LMBRD2: variants seen among roughly 807,000 people sequenced by gnomAD.
The protein encoded by LMBRD2 is G protein-coupled receptor-associated protein LMBRD2.
LMBRD2 carries 55 observed loss-of-function variants against 94.4 expected under a neutral mutation model. That is an observed-to-expected ratio of 0.58 (90% CI 0.47 to 0.73). LMBRD2 has a LOEUF of 0.73. Among genes scored for constraint, LMBRD2 ranks in the 30% least tolerant of loss-of-function variants. LMBRD2 has a pLI of 0.00. For synonymous variants in LMBRD2, 246 were observed against 272.4 expected (o/e 0.90, Z 0.95); for missense variants, 640 against 831.9 (o/e 0.77, Z 2.84).
At position 36,108,587 on chromosome 5, in the gene LMBRD2, T is replaced by C; in HGVS notation, c.1844A>G (p.Asn615Ser). 8.8e-6 allele frequency: 14 copies of C among 1,596,870 alleles called. No homozygotes were observed. Among genetic ancestry groups the C allele is most frequent in the Non-Finnish European group, 1.0e-5 (12 of 1,168,306 alleles). ...TGACTCTTTGGGGTCAGTATGAATA[T>C]TTCTGTTCCTAGTGGAATCTTCTCT... ...HNREDSTRNR[N>S]IHTDPKESNF... The change falls in exon 16 of 18, where the codon AAT (asparagine) becomes AGT (serine). Residue 615 changes from asparagine (N) to serine (S), a missense_variant. This residue lies in a region of LMBRD2 where 183 missense variants were observed against 189.1 expected (regional missense o/e 0.97). Coordinates refer to ENST00000296603, the MANE Select transcript of LMBRD2 (RefSeq NM_001007527.2).
chr5:36,106,294 T>A (rs1743465182), intron 16 of LMBRD2, among the ~76,000 whole-genome samples: 1 of 152,102 alleles, frequency 6.6e-6, no homozygotes, highest in South Asian at 2.1e-4. Flanking sequence ...TAAATCCTTT[T>A]CTCTTCATCT....
chr5:36,119,801 A>T (rs547747531), intron 9 of LMBRD2, among the ~76,000 whole-genome samples: 1 of 152,212 alleles, frequency 6.6e-6, no homozygotes, highest in Non-Finnish European at 1.5e-5. Flanking sequence ...TCCACATTTC[A>T]TTGAGAAAAC....
At chr5:36,129,984 T>C (rs1456498952) in intron 6 of LMBRD2, among the ~76,000 whole-genome samples, 1 of 151,758 alleles carries the variant, frequency 6.6e-6, no homozygotes, top group East Asian at 1.9e-4. Context: ...GGGAACTGAA[T>C]AATGAGAACA....
At chr5:36,122,689 C>T (rs1743915083) in intron 8 of LMBRD2, among the ~76,000 whole-genome samples, 159 bp downstream of exon 8, 1 of 152,094 alleles carries the variant, frequency 6.6e-6, no homozygotes, top group Admixed American at 6.6e-5. Flanking sequence ...AATACCCCTG[C>T]TGGTATACAC....
At chr5:36,146,590 TGGA>T (rs1302706583) in intron 1 of LMBRD2, among the ~76,000 whole-genome samples, 5 of 152,298 alleles carry the variant, frequency 3.3e-5, no homozygotes, top group Non-Finnish European at 1.5e-5. Flanking sequence ...TTGCCCAGGC[TGGA>T]CTCAAATACC....
In LMBRD2 at chr5:36,136,429, A is replaced by T. The variant is rs1270037863; in HGVS notation, c.627T>A (p.Ile209=). 8.1e-6 allele frequency: 13 copies of T among 1,614,040 alleles called. No homozygotes were observed. Among genetic ancestry groups the T allele is most frequent in the Non-Finnish European group, 1.0e-5 (12 of 1,179,930 alleles). ...VLLLGYGLVE[I]PRSYWNGAKR... The stretch of plus-strand genomic sequence containing the variant: ...TTGCTCCATTCCAGTATGATCGAGG[A>T]ATTTCCACCAAGCCATACCCCAACA... The change falls in exon 6 of 18, where the codon ATT becomes ATA. Residue 209 remains isoleucine, a synonymous_variant. Transcript: ENST00000296603.
Position 36,117,930 on chromosome 5 carries a change from GA to G in LMBRD2, c.1121-15del. 6.4e-7 allele frequency: 1 copy of G among 1,567,574 alleles called. No individual in the cohort carries two copies. Among genetic ancestry groups the G allele is most frequent in the South Asian group, 1.2e-5 (1 of 83,546 alleles). ...CCCAGTACCATTCTAGAAGACAAAA[GA>G]AAAAAATGATTAGGAAAACTACAAA... is the stretch of plus-strand genomic sequence containing the variant. On this transcript the variant is annotated splice_polypyrimidine_tract_variant and intron_variant, in intron 9 of 17. Coordinates refer to ENST00000296603, the MANE Select transcript of LMBRD2 (RefSeq NM_001007527.2).
intron 6 of LMBRD2, among the ~76,000 whole-genome samples, chr5:36,128,540 G>T (rs899950987): frequency 2.0e-5 from 3 of 152,084 alleles, no homozygotes; most frequent in Non-Finnish European, 4.4e-5. Flanking sequence ...GGGCAACATG[G>T]TGAAACCCTG....
intron 6 of LMBRD2, among the ~76,000 whole-genome samples, chr5:36,127,099 T>A: frequency 6.6e-6 from 1 of 152,254 alleles, no homozygotes. Context: ...TAAGGGACTC[T>A]GTCCAATTTT....
chr5:36,141,360 A>G lies in LMBRD2; in HGVS notation c.273-158T>C, dbSNP rs571160908. ...AAATTTCAAAGAAATTTTAAAATTC[A>G]AAGCTGACTGCCAAACTAAAAAAAC... On this transcript the variant is annotated intron_variant, in intron 3 of 17. Coordinates refer to ENST00000296603, the MANE Select transcript of LMBRD2 (RefSeq NM_001007527.2). 3.3e-5 allele frequency among the ~76,000 whole-genome samples: 5 copies of G among 152,334 alleles called. No individual in the cohort carries two copies. In the East Asian group the frequency reaches 5.8e-4, roughly 18 times the overall value.
chr5:36,119,508 G>A (rs139431600), intron 9 of LMBRD2, among the ~76,000 whole-genome samples: 168 of 152,152 alleles, frequency 1.1e-3, no homozygotes, highest in African/African-American at 3.9e-3. Flanking sequence ...GCCCCATTTT[G>A]CTCCACTGTA....
intron 6 of LMBRD2, among the ~76,000 whole-genome samples, chr5:36,133,460 G>T (rs116486101): frequency 0.014 from 2,150 of 152,174 alleles, 61 homozygotes; most frequent in African/African-American, 0.05. Flanking sequence ...AGTCAATAAT[G>T]TAATTGTACA....
intron 1 of LMBRD2, among the ~76,000 whole-genome samples, chr5:36,148,246 G>GAA (rs112066311): frequency 3.7e-5 from 4 of 107,466 alleles, no homozygotes; most frequent in Non-Finnish European, 4.1e-5. Context: ...CTCGAAAAAT[G>GAA]AAAAAAAAAA....
At position 36,140,930 on chromosome 5, in the gene LMBRD2, G is replaced by A. The variant is rs116360197; in HGVS notation, c.368+177C>T. ...AGTGCAGTTGTTTGCAGATCTAAGA[G>A]ATGCTTAGTAGACAGTGGATAACTA... On this transcript the variant is annotated intron_variant, in intron 4 of 17. Transcript: ENST00000296603. 5.8e-3 allele frequency: 2,664 copies of A among 460,174 alleles called. 62 individuals carry two copies. The highest frequency in any genetic ancestry group is 0.048 in the African/African-American group (2,381 of 49,512). The allele number at this position is 460,174 out of a possible 1,614,324, so 28.5% of individuals were successfully genotyped here. A position where few individuals can be genotyped will look rare whatever the true frequency, so the allele number is the denominator to read the frequency against.
chr5:36,148,081 A>T, intron 1 of LMBRD2: 1 of 206,208 alleles, frequency 4.8e-6, no homozygotes, highest in Non-Finnish European at 1.1e-5. Flanking sequence ...AAATCAAAAG[A>T]ACCAGAATTA....
rs1163977452 is a variant in LMBRD2, at chr5:36,099,177, G to GAAAT, written c.*4865_*4868dup. 1 of 151,980 alleles carries GAAAT rather than the reference G, an allele frequency of 6.6e-6. No individual in the cohort carries two copies. Among genetic ancestry groups the GAAAT allele is most frequent in the Non-Finnish European group, 1.5e-5 (1 of 67,960 alleles). 9.4% of individuals were successfully genotyped at this position (151,980 alleles called of 1,614,324 possible). ...CTGAACTTTAGAATACTGTCCTAAG[G>GAAAT]AAATAGGTCTGGGCAGAACTTATTT... On this transcript the variant is annotated 3_prime_UTR_variant, in exon 18 of 18. Coordinates refer to ENST00000296603, the MANE Select transcript of LMBRD2 (RefSeq NM_001007527.2).
intron 5 of LMBRD2, 37 bp from the exon 6 acceptor site, chr5:36,136,556 A>G: frequency 1.3e-6 from 2 of 1,569,008 alleles, no homozygotes; most frequent in Non-Finnish European, 1.8e-6. Flanking sequence ...TGTATATTTT[A>G]ATGGAAAGAT....
intron 1 of LMBRD2, among the ~76,000 whole-genome samples, chr5:36,149,195 T>C (rs1192047566): frequency 6.6e-6 from 1 of 151,992 alleles, no homozygotes; most frequent in East Asian, 1.9e-4. Context: ...GGGCTGGAGA[T>C]AGAAAAATCC....
intron 6 of LMBRD2, among the ~76,000 whole-genome samples, chr5:36,124,648 G>C (rs967443563): frequency 1.1e-4 from 17 of 152,190 alleles, no homozygotes; most frequent in Non-Finnish European, 2.2e-4. Flanking sequence ...TGAAAAACCA[G>C]AGGAAGCAGA....
Sources: gnomAD v4.1 joint callset for allele counts (sites outside exome capture counted in the v4.1 genomes callset) on GRCh38, gnomAD v4.1.1 for gene constraint, gnomAD v4.1.1 regional missense constraint, MANE v1.5 for transcripts, NCBI Gene and HGNC (gene_info 2026-07-23, HGNC 2026-07-21) for gene names.